PLCB1: variants seen among roughly 807,000 people sequenced by gnomAD.
PLCB1 encodes phospholipase C beta 1, also known as 1-phosphatidylinositol 4,5-bisphosphate phosphodiesterase beta-1.
In PLCB1, 46 loss-of-function variants were observed where a neutral mutation model predicts 161.8. The observed-to-expected ratio is 0.28, with a 90% CI of 0.22 to 0.36. The LOEUF (loss-of-function observed/expected upper bound fraction) is 0.36. Among genes scored for constraint, PLCB1 ranks in the 10% least tolerant of loss-of-function variants. The pLI, the probability that PLCB1 is intolerant of heterozygous loss-of-function variation, is 1.00. For missense variants in PLCB1, 1,016 were observed against 1,472.5 expected, an observed-to-expected ratio of 0.69 and a Z score of 5.07; for synonymous variants, 517 against 503.7, an observed-to-expected ratio of 1.03 and a Z score of -0.35.
At chr20:8,297,603 G>A (rs1234559677) in intron 2 of PLCB1, among the ~76,000 whole-genome samples, 1 of 152,150 alleles carries the variant, frequency 6.6e-6, no homozygotes, top group Non-Finnish European at 1.5e-5. Flanking sequence ...GGGTGGCTGA[G>A]AGTGGATAGT....
intron 11 of PLCB1, among the ~76,000 whole-genome samples, chr20:8,702,707 G>A (rs1009719202): frequency 6.6e-6 from 1 of 152,036 alleles, no homozygotes; most frequent in Non-Finnish European, 1.5e-5. Context: ...AACAATTTTG[G>A]CTTGATAAAG....
chr20:8,721,387 C>T (rs1232460824), intron 14 of PLCB1, among the ~76,000 whole-genome samples: 2 of 152,212 alleles, frequency 1.3e-5, no homozygotes, highest in Non-Finnish European at 2.9e-5. Flanking sequence ...CCATTTAGAA[C>T]AACCTCGCTG....
chr20:8,837,681 T>C (rs533178100), intron 31 of PLCB1, among the ~76,000 whole-genome samples: 19 of 152,156 alleles, frequency 1.2e-4, no homozygotes, highest in Admixed American at 3.3e-4. Context: ...CTCACTCACA[T>C]TGGGAGAGTC....
intron 2 of PLCB1, among the ~76,000 whole-genome samples, chr20:8,315,712 C>T (rs909003121): frequency 2.0e-5 from 3 of 152,134 alleles, no homozygotes; most frequent in African/African-American, 4.8e-5. Flanking sequence ...GCCGGTCTTG[C>T]TTACATATTT....
intron 2 of PLCB1, among the ~76,000 whole-genome samples, chr20:8,286,429 T>A (rs946196286): frequency 2.0e-5 from 3 of 152,236 alleles, no homozygotes; most frequent in Non-Finnish European, 4.4e-5. Context: ...TATGTAATGA[T>A]ATTTCCATGT....
chr20:8,237,390 T>A (rs1980383094), intron 2 of PLCB1, among the ~76,000 whole-genome samples: 1 of 151,984 alleles, frequency 6.6e-6, no homozygotes, highest in Admixed American at 6.6e-5. Context: ...TCTTATTTTT[T>A]AAAAAGAAAA....
At chr20:8,800,486 C>A (rs6516405) in intron 31 of PLCB1, among the ~76,000 whole-genome samples, 1 of 152,064 alleles carries the variant, frequency 6.6e-6, no homozygotes, top group Non-Finnish European at 1.5e-5. Context: ...TACAGACACA[C>A]GAACAACTTT....
chr20:8,769,379 A>ATG (rs1468958102), intron 26 of PLCB1, among the ~76,000 whole-genome samples: 2 of 152,070 alleles, frequency 1.3e-5, no homozygotes, highest in African/African-American at 4.8e-5. Flanking sequence ...CTATTTCTAT[A>ATG]TATATATATA....
chr20:8,269,326 C>T (rs772740219), intron 2 of PLCB1, among the ~76,000 whole-genome samples: 3 of 152,038 alleles, frequency 2.0e-5, no homozygotes, highest in Non-Finnish European at 4.4e-5. Context: ...TGAGTGAGAA[C>T]ATGCAGTGTT....
chr20:8,492,122 AC>A (rs897871303), intron 3 of PLCB1, among the ~76,000 whole-genome samples: 1 of 152,112 alleles, frequency 6.6e-6, no homozygotes, highest in African/African-American at 2.4e-5. Flanking sequence ...TGTCTTGGCC[AC>A]ATCATTAACT....
intron 2 of PLCB1, among the ~76,000 whole-genome samples, chr20:8,328,132 A>G (rs541969258): frequency 6.6e-6 from 1 of 152,260 alleles, no homozygotes; most frequent in South Asian, 2.1e-4. Context: ...AAATGCTCCA[A>G]TGAGCATTTC....
chr20:8,354,146 C>T (rs1287888654), intron 2 of PLCB1, among the ~76,000 whole-genome samples: 1 of 151,946 alleles, frequency 6.6e-6, no homozygotes, highest in Non-Finnish European at 1.5e-5. Context: ...GTAAAAGGTT[C>T]CTGAGATTTA....
At chr20:8,768,353 A>T (rs934237824) in intron 26 of PLCB1, among the ~76,000 whole-genome samples, 1 of 152,004 alleles carries the variant, frequency 6.6e-6, no homozygotes, top group African/African-American at 2.4e-5. Context: ...TATCACATGA[A>T]TTCTCCCTGC....
At chr20:8,681,090 A>ATGTGTG (rs1990202251) in intron 9 of PLCB1, among the ~76,000 whole-genome samples, 1 of 56,866 alleles carries the variant, frequency 1.8e-5, no homozygotes, top group African/African-American at 5.9e-5. Context: ...GTGTGTGTAT[A>ATGTGTG]TATATATATA....
Position 8,132,632 on chromosome 20 carries a change from C to T in PLCB1, c.-20C>T, listed in dbSNP as rs374950042. The T allele has an allele frequency of 6.3e-6, 10 of 1,583,072 alleles. No individual in the cohort carries two copies. The highest frequency in any genetic ancestry group is 1.7e-5 in the Admixed American group (1 of 58,208). ...CCCTGCCGCGCTCGCCCGGGCCGCC[C>T]GGAGCCCAGATGAGCCCAGATGGCC... On this transcript the variant is annotated 5_prime_UTR_variant, in exon 1 of 32. Transcript: ENST00000338037. The surrounding 1 kb of genome is among the most constrained non-coding windows in gnomAD (Gnocchi z 5.2).
intron 31 of PLCB1, among the ~76,000 whole-genome samples, chr20:8,859,567 AC>A (rs919394396): frequency 3.2e-4 from 48 of 151,538 alleles, no homozygotes; most frequent in African/African-American, 1.2e-3. Flanking sequence ...GCTTTTGAAA[AC>A]CTTTTGGTTT....
At chr20:8,615,839 T>C (rs1295481337) in intron 3 of PLCB1, among the ~76,000 whole-genome samples, 1 of 152,134 alleles carries the variant, frequency 6.6e-6, no homozygotes, top group Admixed American at 6.5e-5. Flanking sequence ...ACATAAAACC[T>C]TTCCAATTAC....
intron 2 of PLCB1, among the ~76,000 whole-genome samples, chr20:8,294,648 G>A (rs1983546073): frequency 1.3e-5 from 2 of 150,318 alleles, no homozygotes; most frequent in Admixed American, 1.3e-4. Context: ...AAGCACTCCT[G>A]ATAAGATGGC....
chr20:8,156,494 A>G (rs1366325222), intron 2 of PLCB1, among the ~76,000 whole-genome samples: 1 of 152,216 alleles, frequency 6.6e-6, no homozygotes, highest in Non-Finnish European at 1.5e-5. Context: ...TAACAACTTA[A>G]TATAGATGCC....
Sources: allele counts gnomAD v4.1 joint callset (sites outside exome capture counted in the v4.1 genomes callset), GRCh38; gene constraint gnomAD v4.1.1; non-coding constraint Gnocchi (gnomAD v3.1); transcripts MANE v1.5; gene names NCBI Gene and HGNC (gene_info 2026-07-23, HGNC 2026-07-21).